Variants in NPC1 observed in about 807,000 individuals in gnomAD.
The protein encoded by NPC1 is Niemann-Pick C1 protein.
A neutral mutation model predicts 140.4 loss-of-function variants in NPC1; 85 were observed. The observed-to-expected ratio is 0.61, with a 90% confidence interval of 0.51 to 0.72. The LOEUF (loss-of-function observed/expected upper bound fraction) is 0.72, where lower values mean the gene tolerates loss of function less well. NPC1 is among the 30% of genes least tolerant of loss of function. The pLI is 0.00. For synonymous variants in NPC1, 656 were observed against 624.8 expected, an observed-to-expected ratio of 1.05 and a Z score of -0.74; for missense variants, 1,504 against 1,623.8, an observed-to-expected ratio of 0.93 and a Z score of 1.27.
intron 4 of NPC1, among the ~76,000 whole-genome samples, chr18:23,566,637 C>T (rs968468458): frequency 2.0e-5 from 3 of 152,054 alleles, no homozygotes; most frequent in African/African-American, 7.3e-5. Context: ...TTGAAGCTCC[C>T]CAATTACCCC....
downstream of NPC1, among the ~76,000 whole-genome samples, chr18:23,524,805 G>A (rs1652335): frequency 2.1e-4 from 32 of 151,944 alleles, no homozygotes; most frequent in East Asian, 9.7e-4. Flanking sequence ...TTCTCCCATC[G>A]ACCTTCCCAC....
Position 23,532,319 on chromosome 18 carries a change from G to A in NPC1, c.3755-35C>T, listed in dbSNP as rs772739022. On this transcript the variant is annotated intron_variant, in intron 24 of 24. Coordinates refer to ENST00000269228, the MANE Select transcript of NPC1 (RefSeq NM_000271.5). The stretch of plus-strand genomic sequence containing the variant: ...AGAGAGACTTTTTCTTATTTCTGCA[G>A]GAGAAAGGGAGCTAGTTGGCTGGGC... 4.5e-5 allele frequency: 72 copies of A among 1,612,846 alleles called. No homozygotes were observed. The African/African-American group carries it at 5.1e-4, about 11-fold the overall frequency.
chr18:23,543,472 G>T lies in NPC1; in HGVS notation c.2228C>A (p.Thr743Asn). 6.2e-7 allele frequency: 1 copy of T among 1,603,928 alleles called. No individual in the cohort carries two copies. The highest frequency in any genetic ancestry group is 8.5e-7 in the Non-Finnish European group (1 of 1,171,546). The change falls in exon 14 of 25, where the codon ACT becomes AAT. Residue 743 changes from threonine (T) to asparagine (N), a missense_variant. Coordinates refer to ENST00000269228, the MANE Select transcript of NPC1 (RefSeq NM_000271.5). ...PSMFLSSFSETVAFFLGALSV... is the reference protein window; with the variant it reads ...PSMFLSSFSENVAFFLGALSV... The stretch of plus-strand genomic sequence containing the variant: ...ATAATTACCTAAGAAAAATGCTACA[G>T]TCTCAGAAAAGGATGACAGGAACAT...
chr18:23,523,124 G>A (rs544599112), intron 1 of NPC1, among the ~76,000 whole-genome samples: 8 of 152,326 alleles, frequency 5.3e-5, no homozygotes, highest in Non-Finnish European at 1.0e-4. Flanking sequence ...GGTCCAAAGC[G>A]CGAGTGCTCT....
chr18:23,556,188 G>C, intron 8 of NPC1, 55 bp downstream of exon 8: 1 of 1,508,520 alleles, frequency 6.6e-7, no homozygotes, highest in African/African-American at 1.4e-5. Flanking sequence ...ACATGTAAAA[G>C]CCAGCAAACC....
At chr18:23,518,996 G>C, downstream of NPC1, 1 of 1,613,850 alleles carries the variant, frequency 6.2e-7, no homozygotes, top group Non-Finnish European at 8.5e-7. Flanking sequence ...TTCATGCTTT[G>C]TTTTCCCTCT....
intron 1 of NPC1, among the ~76,000 whole-genome samples, chr18:23,584,286 G>A (rs764679988): frequency 6.6e-6 from 1 of 152,108 alleles, no homozygotes; most frequent in African/African-American, 2.4e-5. Context: ...TGCTATCATC[G>A]GTACGAATTC....
chr18:23,550,051 T>G (rs2058846606), intron 10 of NPC1, among the ~76,000 whole-genome samples: 2 of 151,810 alleles, frequency 1.3e-5, no homozygotes, highest in South Asian at 2.1e-4. Flanking sequence ...GGTCTCGCTC[T>G]GTCACCCAGG....
At chr18:23,563,968 T>C (rs4800493) in intron 4 of NPC1, among the ~76,000 whole-genome samples, 52,768 of 147,778 alleles carry the variant, frequency 0.36, 10,840 homozygotes, top group Admixed American at 0.45. Flanking sequence ...GGTTATTTAT[T>C]TATCATTGAG....
intron 1 of NPC1, among the ~76,000 whole-genome samples, chr18:23,523,394 A>G (rs1179821440): frequency 6.6e-6 from 1 of 151,992 alleles, no homozygotes; most frequent in African/African-American, 2.4e-5. Context: ...ACTCTATGCA[A>G]TGGATAATCG....
At chr18:23,518,711 C>CT (rs2058071525), downstream of NPC1, among the ~76,000 whole-genome samples, 2 of 152,154 alleles carry the variant, frequency 1.3e-5, no homozygotes, top group African/African-American at 2.4e-5. Flanking sequence ...TGTGTGTTCT[C>CT]TTTTCCACTT....
intron 4 of NPC1, among the ~76,000 whole-genome samples, chr18:23,565,853 GATT>G (rs148348632): frequency 0.024 from 3,691 of 152,052 alleles, 67 homozygotes; most frequent in Non-Finnish European, 0.04. Flanking sequence ...TTATCCCTTT[GATT>G]ATTATTGTCT....
intron 11 of NPC1, among the ~76,000 whole-genome samples, 186 bp from the exon 12 acceptor site, chr18:23,545,335 C>T (rs1013826325): frequency 1.2e-4 from 18 of 152,218 alleles, no homozygotes; most frequent in Admixed American, 4.6e-4. Context: ...CTCCACCTCC[C>T]GGGTTTGAGT....
intron 3 of NPC1, among the ~76,000 whole-genome samples, chr18:23,508,294 C>T (rs1309293749): frequency 6.6e-6 from 1 of 152,248 alleles, no homozygotes; most frequent in East Asian, 1.9e-4. Context: ...TAGTGCTAGC[C>T]CTTGGGGCTG....
At chr18:23,510,513 G>A (rs1435475562) in intron 3 of NPC1, among the ~76,000 whole-genome samples, 2 of 152,046 alleles carry the variant, frequency 1.3e-5, no homozygotes, top group South Asian at 2.1e-4. Context: ...CCAGGTTGGT[G>A]GCAGGCACCT....
chr18:23,524,186 T>A lies in NPC1; in HGVS notation c.164-1280A>T, dbSNP rs148467554. On this transcript the variant is annotated intron_variant, in intron 1 of 1. Transcript: ENST00000590723. ...TCCATGTAAACTCTGTATCCTTTAC[T>A]AAGGTGTGGCACCGTGCACAACAGG... is the stretch of plus-strand genomic sequence containing the variant. 2,267 of 1,613,314 alleles carry A rather than the reference T, an allele frequency of 1.4e-3. 2 individuals are homozygous for A. The highest frequency in any genetic ancestry group is 1.7e-3 in the Non-Finnish European group (2,014 of 1,179,956).
rs116238384 is a variant in NPC1, at chr18:23,567,116, C to T, written c.463+1707G>A. Among the ~76,000 whole-genome samples, 964 of 152,274 alleles carry T rather than the reference C, an allele frequency of 6.3e-3. 7 individuals are homozygous for T. Among genetic ancestry groups the T allele is most frequent in the African/African-American group, 0.02 (845 of 41,552 alleles). ...AATCTTGGTGGCTTACAAGTTTTGG[C>T]ACTTATGGACAAAGCTGCTACAAAT... On this transcript the variant is annotated intron_variant, in intron 4 of 24. Transcript: ENST00000269228.
intron 22 of NPC1, among the ~76,000 whole-genome samples, 197 bp from the exon 23 acceptor site, chr18:23,534,756 A>G (rs1302321839): frequency 6.6e-6 from 1 of 152,158 alleles, no homozygotes; most frequent in Non-Finnish European, 1.5e-5. Flanking sequence ...CTCTACACAC[A>G]GCCAAAAGCC....
At chr18:23,554,703 AC>A (rs778794930) in intron 9 of NPC1, 54 bp downstream of exon 9, 14 of 1,393,768 alleles carry the variant, frequency 1.0e-5, no homozygotes, top group Non-Finnish European at 1.4e-5. Flanking sequence ...TTGCCCATGT[AC>A]CCTAAGTCAG....
Sources: allele counts gnomAD v4.1 joint callset (sites outside exome capture counted in the v4.1 genomes callset), GRCh38; gene constraint gnomAD v4.1.1; transcripts MANE v1.5; gene names NCBI Gene and HGNC (gene_info 2026-07-23, HGNC 2026-07-21).